NR2F1-AS1: variants seen among roughly 807,000 people sequenced by gnomAD.
The protein encoded by NR2F1-AS1 is NR2F1 antisense RNA 1.
intron 1 of NR2F1-AS1, among the ~76,000 whole-genome samples, chr5:93,574,275 G>A (rs770535737): frequency 6.6e-6 from 1 of 152,226 alleles, no homozygotes; most frequent in African/African-American, 2.4e-5. Context: ...CTGGGCCTCA[G>A]CTTCAAGGTT....
intron 4 of NR2F1-AS1, among the ~76,000 whole-genome samples, chr5:93,545,211 A>C (rs1246047717): frequency 6.6e-6 from 1 of 152,182 alleles, no homozygotes; most frequent in Non-Finnish European, 1.5e-5. Context: ...AGTACAACAA[A>C]AATTTATTTC....
intron 4 of NR2F1-AS1, among the ~76,000 whole-genome samples, chr5:93,475,595 G>C (rs1277636010): frequency 6.6e-6 from 1 of 152,114 alleles, no homozygotes; most frequent in Non-Finnish European, 1.5e-5. Flanking sequence ...TATCTTACTA[G>C]ATAATTCCTT....
chr5:93,438,149 C>T (rs559866156), intron 4 of NR2F1-AS1, among the ~76,000 whole-genome samples: 1 of 152,332 alleles, frequency 6.6e-6, no homozygotes, highest in South Asian at 2.1e-4. Context: ...CTGGGCCTCA[C>T]TCTGTATCAT....
intron 2 of NR2F1-AS1, among the ~76,000 whole-genome samples, chr5:93,558,040 C>A (rs941009748): frequency 3.9e-5 from 6 of 152,180 alleles, no homozygotes; most frequent in African/African-American, 7.2e-5. Flanking sequence ...GTCACATCTT[C>A]AGGCCCTACT....
rs147148548 is a variant in NR2F1-AS1 at position 93,538,553 on chromosome 5, C to T, written n.638+15208G>A. Among the ~76,000 whole-genome samples, 265 of 152,176 alleles carry T rather than the reference C, an allele frequency of 1.7e-3. 1 individual carries two copies. The highest frequency in any genetic ancestry group is 5.4e-3 in the African/African-American group (225 of 41,520). On this transcript the variant is annotated intron_variant and non_coding_transcript_variant, in intron 4 of 5. Transcript: ENST00000660523. ...ATGTACAACAACAAACAATGCTGCA[C>T]GAAAGTGTTGAGCATGCCCACCATA... is the stretch of plus-strand genomic sequence containing the variant.
At position 93,495,065 on chromosome 5, in the gene NR2F1-AS1, A is replaced by C. The variant is rs537271361; in HGVS notation, n.638+58696T>G. On this transcript the variant is annotated intron_variant and non_coding_transcript_variant, in intron 4 of 5. Coordinates refer to ENST00000660523, the Ensembl canonical transcript of NR2F1-AS1. ...TCCTTCTACATGACAAAAAAAATCC[A>C]AGATAGAATCAGCATTTATTATATA... is the stretch of plus-strand genomic sequence containing the variant. 2.0e-5 allele frequency among the ~76,000 whole-genome samples: 3 copies of C among 152,284 alleles called. No homozygotes were observed. The South Asian group carries it at 6.2e-4, about 32-fold the overall frequency.
chr5:93,584,848 G>A (rs1298079478), upstream of NR2F1-AS1: 2 of 157,560 alleles, frequency 1.3e-5, no homozygotes, highest in East Asian at 1.9e-4. Context: ...CGGCGGCGGA[G>A]GCAGCGGCCG....
intron 4 of NR2F1-AS1, among the ~76,000 whole-genome samples, chr5:93,424,770 C>G (rs748627259): frequency 6.6e-6 from 1 of 152,108 alleles, no homozygotes. Flanking sequence ...ATTAACACAT[C>G]AAACTGGGTG....
chr5:93,453,365 G>A lies in NR2F1-AS1; in HGVS notation n.639-57823C>T, dbSNP rs192780001. On this transcript the variant is annotated intron_variant and non_coding_transcript_variant, in intron 4 of 5. Coordinates refer to ENST00000660523, the Ensembl canonical transcript of NR2F1-AS1. ...TGTAACTGGAGTCCCAGAAAGAAAA[G>A]GACAAAGAAAAAAATATTTGAAAAA... 2.3e-3 allele frequency among the ~76,000 whole-genome samples: 352 copies of A among 151,116 alleles called. 2 individuals carry two copies. The highest frequency in any genetic ancestry group is 8.1e-3 in the African/African-American group (333 of 41,194).
At chr5:93,537,497 C>T (rs1751863406) in intron 4 of NR2F1-AS1, among the ~76,000 whole-genome samples, 1 of 151,972 alleles carries the variant, frequency 6.6e-6, no homozygotes, top group Admixed American at 6.6e-5. Flanking sequence ...GGGCAAAAGA[C>T]CTTAATAGAC....
chr5:93,511,950 T>C (rs1018941359), intron 4 of NR2F1-AS1, among the ~76,000 whole-genome samples: 7 of 152,290 alleles, frequency 4.6e-5, no homozygotes, highest in East Asian at 3.9e-4. Flanking sequence ...CCAAAAAGGT[T>C]GGGGACCACT....
chr5:93,582,007 C>T (rs1215431019), upstream of NR2F1-AS1, among the ~76,000 whole-genome samples: 1 of 134,600 alleles, frequency 7.4e-6, no homozygotes, highest in Non-Finnish European at 1.6e-5. Flanking sequence ...CCTCTCTTCT[C>T]TCTCTCTCTC....
At chr5:93,520,372 TCA>T (rs1751477416) in intron 4 of NR2F1-AS1, among the ~76,000 whole-genome samples, 1 of 152,108 alleles carries the variant, frequency 6.6e-6, no homozygotes, top group Non-Finnish European at 1.5e-5. Flanking sequence ...AGTCCCATTT[TCA>T]CATACTGACA....
At chr5:93,452,380 C>A (rs1188161449) in intron 4 of NR2F1-AS1, among the ~76,000 whole-genome samples, 1 of 152,148 alleles carries the variant, frequency 6.6e-6, no homozygotes, top group Non-Finnish European at 1.5e-5. Context: ...CTCTGATTGC[C>A]CCAGCTTATC....
chr5:93,539,984 C>T (rs1580315597), intron 4 of NR2F1-AS1, among the ~76,000 whole-genome samples: 1 of 152,240 alleles, frequency 6.6e-6, no homozygotes, highest in East Asian at 1.9e-4. Context: ...TGTGAATTAG[C>T]CCAAGATAAG....
chr5:93,481,887 A>C (rs1187047961), intron 4 of NR2F1-AS1, among the ~76,000 whole-genome samples: 1 of 152,120 alleles, frequency 6.6e-6, no homozygotes, highest in Non-Finnish European at 1.5e-5. Flanking sequence ...ACATACCAAA[A>C]TGTATAGGAG....
At chr5:93,507,679 A>G (rs1448326087) in intron 4 of NR2F1-AS1, among the ~76,000 whole-genome samples, 2 of 152,202 alleles carry the variant, frequency 1.3e-5, no homozygotes, top group African/African-American at 4.8e-5. Context: ...TTAAAAGTAT[A>G]AGAATTGAAA....
Position 93,478,634 on chromosome 5 carries a change from C to A in NR2F1-AS1, n.638+75127G>T, listed in dbSNP as rs181250134. 3.7e-3 allele frequency among the ~76,000 whole-genome samples: 566 copies of A among 152,134 alleles called. 4 individuals are homozygous for A. Among genetic ancestry groups the A allele is most frequent in the Non-Finnish European group, 6.6e-3 (451 of 68,002 alleles). On this transcript the variant is annotated intron_variant and non_coding_transcript_variant, in intron 4 of 5. Transcript: ENST00000660523. ...GGTCAGGCTGGTCTCAAACTCCTGA[C>A]CTTGTGATCCACTCACCTCAGCCTA...
At chr5:93,432,878 T>A (rs1749354977) in intron 4 of NR2F1-AS1, among the ~76,000 whole-genome samples, 1 of 152,218 alleles carries the variant, frequency 6.6e-6, no homozygotes, top group African/African-American at 2.4e-5. Context: ...AAGAAAGGCT[T>A]ATTTTATAAC....
Sources: allele counts gnomAD v4.1 joint callset (sites outside exome capture counted in the v4.1 genomes callset), GRCh38; gene constraint gnomAD v4.1.1; transcripts MANE v1.5; gene names NCBI Gene and HGNC (gene_info 2026-07-23, HGNC 2026-07-21).